Variants in KYAT1 observed in about 807,000 individuals in gnomAD.
The protein encoded by KYAT1 is kynurenine--oxoglutarate transaminase 1.
KYAT1 carries 47 observed loss-of-function variants against 52.4 expected under a neutral mutation model. That is an observed-to-expected ratio of 0.90 (90% CI 0.71 to 1.14). The LOEUF (loss-of-function observed/expected upper bound fraction) is 1.14. KYAT1 is among the 50% of genes most tolerant of loss of function. The pLI, the probability that KYAT1 is intolerant of heterozygous loss-of-function variation, is 0.00. For missense variants in KYAT1, 480 were observed against 557.9 expected, an observed-to-expected ratio of 0.86 and a Z score of 1.41; for synonymous variants, 212 against 209.6, an observed-to-expected ratio of 1.01 and a Z score of -0.10.
At chr9:128,846,654 G>A in intron 1 of KYAT1, 2 of 1,226,368 alleles carry the variant, frequency 1.6e-6, no homozygotes. Context: ...AGACCTGAGA[G>A]CCACCAAACT....
At chr9:128,840,750 G>A (rs1832011538) in intron 3 of KYAT1, 1 of 402,704 alleles carries the variant, frequency 2.5e-6, no homozygotes, top group South Asian at 1.9e-5. Context: ...TTTTCAGACA[G>A]GATCTCACTA....
chr9:128,833,601 A>G lies in KYAT1; in HGVS notation c.1252T>C (p.Trp418Arg), dbSNP rs1194272357. 1 of 1,614,154 alleles carries G rather than the reference A, an allele frequency of 6.2e-7. No individual in the cohort carries two copies. The highest frequency in any genetic ancestry group is 8.5e-7 in the Non-Finnish European group (1 of 1,180,010). The part of the protein sequence containing the change: ...LQAMDEKLRK[W>R]KVEL Reference sequence around the variant, plus strand: ...CTTCAGGGCTAGAGTTCCACCTTCCACTTCCGCAGCTTCTCGTCCATGGCC... The same window carrying G: ...CTTCAGGGCTAGAGTTCCACCTTCCGCTTCCGCAGCTTCTCGTCCATGGCC... Residue 418 changes from tryptophan to arginine, a missense_variant, in exon 13 of 13, where the codon TGG (tryptophan) becomes CGG (arginine). Physicochemically the swap from Trp to Arg is moderately radical, Grantham distance 101. Coordinates refer to ENST00000302586, the MANE Select transcript of KYAT1 (RefSeq NM_004059.5).
chr9:128,847,767 A>G lies in KYAT1; in HGVS notation c.-6-2356T>C, dbSNP rs570421860. 8.9e-6 allele frequency: 4 copies of G among 447,144 alleles called. No homozygotes were observed. The South Asian group carries it at 1.9e-4, about 21-fold the overall frequency. The allele number at this position is 447,144 out of a possible 1,614,324, so 27.7% of individuals were successfully genotyped here. A position where few individuals can be genotyped will look rare whatever the true frequency, so the allele number is the denominator to read the frequency against. ...CGTCCTTATAAGAACCCTGTTACTC[A>G]TATACAATACACCCCCCAGCAACCC... On this transcript the variant is annotated intron_variant, in intron 1 of 12. Coordinates refer to ENST00000302586, the MANE Select transcript of KYAT1 (RefSeq NM_004059.5).
At chr9:128,841,694 C>CAAA (rs71383615) in intron 3 of KYAT1, among the ~76,000 whole-genome samples, 16 of 105,838 alleles carry the variant, frequency 1.5e-4, no homozygotes, top group East Asian at 2.8e-4. Flanking sequence ...GACTCCATCT[C>CAAA]AAAAAAAAAA....
intron 1 of KYAT1, among the ~76,000 whole-genome samples, chr9:128,855,697 G>A (rs528620330): frequency 3.9e-5 from 6 of 152,346 alleles, no homozygotes; most frequent in African/African-American, 1.4e-4. Context: ...GAGAGGGTGT[G>A]TGGATCCCTG....
chr9:128,878,779 A>T (rs1293948120), intron 1 of KYAT1, among the ~76,000 whole-genome samples: 3 of 152,176 alleles, frequency 2.0e-5, no homozygotes, highest in Admixed American at 6.6e-5. Context: ...CTCACCACTT[A>T]TTCCTCCTGG....
intron 2 of KYAT1, among the ~76,000 whole-genome samples, chr9:128,844,557 G>C (rs1287064428): frequency 6.6e-6 from 1 of 151,942 alleles, no homozygotes; most frequent in African/African-American, 2.4e-5. Context: ...GGGCGTGGTG[G>C]CGCACGCCTG....
At chr9:128,882,352 T>C, upstream of KYAT1, 1 of 193,998 alleles carries the variant, frequency 5.2e-6, no homozygotes, top group Non-Finnish European at 1.0e-5. Flanking sequence ...CCGGGGCATC[T>C]GGGGCTCTGT....
intron 1 of KYAT1, among the ~76,000 whole-genome samples, chr9:128,853,104 A>G (rs1834152653): frequency 6.6e-6 from 1 of 152,236 alleles, no homozygotes; most frequent in Non-Finnish European, 1.5e-5. Context: ...AAGACTACAT[A>G]TAGTAAAATT....
chr9:128,844,310 G>A (rs1323532708), intron 2 of KYAT1, among the ~76,000 whole-genome samples: 2 of 152,128 alleles, frequency 1.3e-5, no homozygotes, highest in African/African-American at 2.4e-5. Flanking sequence ...TTGGAAGGCC[G>A]AGGAGGGCAG....
intron 7 of KYAT1, among the ~76,000 whole-genome samples, chr9:128,836,446 G>A (rs7866721): frequency 0.034 from 5,193 of 151,832 alleles, 299 homozygotes; most frequent in African/African-American, 0.12. Context: ...CTACAGGCAC[G>A]TGCCACCATG....
intron 1 of KYAT1, among the ~76,000 whole-genome samples, chr9:128,863,039 G>A (rs1291565704): frequency 6.6e-6 from 1 of 151,974 alleles, no homozygotes; most frequent in Non-Finnish European, 1.5e-5. Context: ...ATGTTGGCCA[G>A]GATGGTCTTG....
chr9:128,836,218 T>G, intron 7 of KYAT1, 145 bp from the exon 8 acceptor site: 1 of 575,154 alleles, frequency 1.7e-6, no homozygotes, highest in South Asian at 2.6e-5. Flanking sequence ...TTTTTTTTCT[T>G]TCTTTCTTCC....
chr9:128,838,299 C>T lies in KYAT1; in HGVS notation c.270G>A (p.Pro90=), dbSNP rs765783971. 7.4e-6 allele frequency: 12 copies of T among 1,614,034 alleles called. No homozygotes were observed. Among genetic ancestry groups the T allele is most frequent in the Middle Eastern group, 1.6e-4 (1 of 6,084 alleles). ...FGELLGQEID[P]LRNVLVTVGG... ...CAACAGTCACCAGCACATTCCTGAG[C>T]GGGTCTATCTCCTGACCCAGCAGCT... The change falls in exon 4 of 13, where the codon CCG becomes CCA. Residue 90 remains proline (P), a synonymous_variant. Transcript: ENST00000302586.
chr9:128,833,588 A>T lies in KYAT1; in HGVS notation c.1265T>A (p.Leu422His). ...DEKLRKWKVE[L>H] ...GGCCAAGGCGTGACTTCAGGGCTAG[A>T]GTTCCACCTTCCACTTCCGCAGCTT... is the stretch of plus-strand genomic sequence containing the variant. Residue 422 changes from leucine to histidine, a missense_variant, in exon 13 of 13, where the codon CTC (leucine) becomes CAC (histidine). Leu to His is a moderately conservative substitution (Grantham distance 99). Coordinates refer to ENST00000302586, the MANE Select transcript of KYAT1 (RefSeq NM_004059.5). 1 of 1,614,200 alleles carries T rather than the reference A, an allele frequency of 6.2e-7. No individual in the cohort carries two copies. The highest frequency in any genetic ancestry group is 1.1e-5 in the South Asian group (1 of 91,078).
chr9:128,856,943 A>G (rs143762759), intron 1 of KYAT1, among the ~76,000 whole-genome samples: 11 of 152,320 alleles, frequency 7.2e-5, no homozygotes, highest in Admixed American at 3.9e-4. Flanking sequence ...GAAATAGAGG[A>G]AGGCCACTGT....
At chr9:128,881,836 C>G (rs1246688721) in intron 1 of KYAT1, 61 bp downstream of exon 1, 2 of 152,378 alleles carry the variant, frequency 1.3e-5, no homozygotes, top group Non-Finnish European at 2.9e-5. Context: ...GAACCGTTAG[C>G]CGACCCTCCC....
intron 1 of KYAT1, among the ~76,000 whole-genome samples, chr9:128,878,687 G>A (rs1374327403): frequency 6.6e-6 from 1 of 152,176 alleles, no homozygotes; most frequent in Non-Finnish European, 1.5e-5. Flanking sequence ...AGAGGAGAGA[G>A]AAATGACTTC....
chr9:128,855,144 T>C (rs1834441535), intron 1 of KYAT1, among the ~76,000 whole-genome samples: 1 of 152,162 alleles, frequency 6.6e-6, no homozygotes, highest in African/African-American at 2.4e-5. Flanking sequence ...GATACTGTGG[T>C]GGTATTACAA....
Sources: gnomAD v4.1 joint callset for allele counts (sites outside exome capture counted in the v4.1 genomes callset) on GRCh38, gnomAD v4.1.1 for gene constraint, MANE v1.5 for transcripts, NCBI Gene and HGNC (gene_info 2026-07-23, HGNC 2026-07-21) for gene names.